Variants in CDK14 observed in about 807,000 individuals in gnomAD.
CDK14 encodes cyclin-dependent kinase 14.
Under a neutral mutation model 60.7 loss-of-function variants are expected in CDK14, and 34 were observed. The observed-to-expected ratio is 0.56, with a 90% CI of 0.43 to 0.75. CDK14 has a LOEUF of 0.75. Among genes scored for constraint, CDK14 ranks in the 30% least tolerant of loss-of-function variants. The pLI, the probability that CDK14 is intolerant of heterozygous loss-of-function variation, is 0.00. For missense variants in CDK14, 482 were observed against 564.1 expected, an observed-to-expected ratio of 0.85 and a Z score of 1.47; for synonymous variants, 197 against 203.7, an observed-to-expected ratio of 0.97 and a Z score of 0.28.
intron 9 of CDK14, among the ~76,000 whole-genome samples, chr7:90,965,133 T>G (rs1258387145): frequency 1.3e-5 from 2 of 152,192 alleles, no homozygotes; most frequent in African/African-American, 4.8e-5. Context: ...GCATTTCTTA[T>G]CTCAGACTTC....
At chr7:90,969,314 T>C (rs1448991404) in intron 9 of CDK14, among the ~76,000 whole-genome samples, 1 of 152,222 alleles carries the variant, frequency 6.6e-6, no homozygotes, top group African/African-American at 2.4e-5. Flanking sequence ...TGACTGGAAC[T>C]AAATATATCA....
intron 10 of CDK14, among the ~76,000 whole-genome samples, chr7:90,992,486 C>T (rs899943517): frequency 9.2e-5 from 14 of 152,152 alleles, no homozygotes; most frequent in African/African-American, 3.4e-4. Flanking sequence ...CATTCCTGCT[C>T]TCATAGAACT....
chr7:90,997,918 A>G (rs918723909), intron 10 of CDK14, among the ~76,000 whole-genome samples: 1 of 152,156 alleles, frequency 6.6e-6, no homozygotes, highest in Non-Finnish European at 1.5e-5. Context: ...TTTTTATTGA[A>G]TGTTCTTTCT....
chr7:90,907,380 T>C (rs1405409513), intron 7 of CDK14, among the ~76,000 whole-genome samples: 1 of 152,094 alleles, frequency 6.6e-6, no homozygotes, highest in African/African-American at 2.4e-5. Context: ...CTAAATTTCA[T>C]CCTTTATTCA....
At chr7:91,090,946 C>T (rs143932968) in intron 12 of CDK14, among the ~76,000 whole-genome samples, 252 of 151,822 alleles carry the variant, frequency 1.7e-3, no homozygotes, top group African/African-American at 5.6e-3. Context: ...TAAAATGTGT[C>T]GGGCTACATA....
chr7:90,736,621 T>G (rs747472977), intron 3 of CDK14, among the ~76,000 whole-genome samples: 1 of 152,044 alleles, frequency 6.6e-6, no homozygotes, highest in Non-Finnish European at 1.5e-5. Context: ...GTCACCATGA[T>G]TTATGTCATA....
intron 2 of CDK14, among the ~76,000 whole-genome samples, chr7:90,610,825 C>T (rs767718435): frequency 8.5e-5 from 13 of 152,186 alleles, no homozygotes; most frequent in Non-Finnish European, 1.5e-4. Flanking sequence ...TACATCTGTA[C>T]GACCCCCTTT....
At chr7:90,672,853 A>G (rs1198424479) in intron 2 of CDK14, among the ~76,000 whole-genome samples, 1 of 151,906 alleles carries the variant, frequency 6.6e-6, no homozygotes, top group Non-Finnish European at 1.5e-5. Flanking sequence ...GTTGATGGGC[A>G]TTTGGGTTGT....
At chr7:90,904,448 G>A (rs1792626939) in intron 7 of CDK14, among the ~76,000 whole-genome samples, 1 of 152,054 alleles carries the variant, frequency 6.6e-6, no homozygotes, top group South Asian at 2.1e-4. Context: ...TTATTTTTGA[G>A]AAGCAGAATT....
chr7:90,642,877 G>A (rs11563823), intron 2 of CDK14, among the ~76,000 whole-genome samples: 47,070 of 152,000 alleles, frequency 0.31, 8,212 homozygotes, highest in East Asian at 0.67. Flanking sequence ...TTACTGCCTT[G>A]AGAGTGATGA....
At chr7:91,203,370 C>T (rs921821645) in intron 14 of CDK14, among the ~76,000 whole-genome samples, 10 of 152,116 alleles carry the variant, frequency 6.6e-5, no homozygotes, top group Admixed American at 6.5e-4. Flanking sequence ...GTGCCTGAGC[C>T]GGGCCTGGGC....
chr7:91,158,098 T>TATA (rs961542793), intron 14 of CDK14, among the ~76,000 whole-genome samples: 3 of 147,634 alleles, frequency 2.0e-5, no homozygotes, highest in African/African-American at 7.4e-5. Context: ...ATTAAATATA[T>TATA]ATAAATATTT....
chr7:91,013,656 GTTTT>G (rs56934476), intron 10 of CDK14, among the ~76,000 whole-genome samples: 1 of 123,384 alleles, frequency 8.1e-6, no homozygotes, highest in African/African-American at 3.1e-5. Flanking sequence ...CATTGCCTCT[GTTTT>G]TTTTTTTTTT....
chr7:91,005,563 G>T (rs1795961013), intron 10 of CDK14, among the ~76,000 whole-genome samples: 1 of 152,140 alleles, frequency 6.6e-6, no homozygotes, highest in Admixed American at 6.5e-5. Flanking sequence ...AACCAAAGGA[G>T]AAATAAATCA....
At chr7:91,146,594 T>G (rs1026234184) in intron 14 of CDK14, among the ~76,000 whole-genome samples, 1 of 152,186 alleles carries the variant, frequency 6.6e-6, no homozygotes, top group African/African-American at 2.4e-5. Context: ...CATACATATT[T>G]TAATACGTAT....
intron 10 of CDK14, among the ~76,000 whole-genome samples, chr7:90,992,460 G>T (rs1215618894): frequency 6.6e-6 from 1 of 152,158 alleles, no homozygotes; most frequent in Non-Finnish European, 1.5e-5. Context: ...TGAGGAGACC[G>T]CAGTACACAA....
intron 2 of CDK14, among the ~76,000 whole-genome samples, chr7:90,706,266 C>G (rs1801892605): frequency 6.6e-6 from 1 of 152,158 alleles, no homozygotes; most frequent in African/African-American, 2.4e-5. Flanking sequence ...TTTGCGCTCT[C>G]CCTGCTCTCT....
intron 5 of CDK14, among the ~76,000 whole-genome samples, chr7:90,847,467 A>G (rs981609815): frequency 2.6e-5 from 4 of 152,274 alleles, no homozygotes; most frequent in Admixed American, 6.5e-5. Context: ...AATATTAAAT[A>G]AACAGTAAAC....
intron 14 of CDK14, among the ~76,000 whole-genome samples, chr7:91,191,665 GGGAA>G (rs1802368161): frequency 6.6e-6 from 1 of 151,936 alleles, no homozygotes; most frequent in African/African-American, 2.4e-5. Context: ...AGTACACTGA[GGGAA>G]GGAAGAATAA....
Sources: gnomAD v4.1 joint callset for allele counts (sites outside exome capture counted in the v4.1 genomes callset) on GRCh38, gnomAD v4.1.1 for gene constraint, MANE v1.5 for transcripts, NCBI Gene and HGNC (gene_info 2026-07-23, HGNC 2026-07-21) for gene names.